The following OSBPL10 variants were observed in gnomAD, a reference collection of about 807,000 sequenced individuals.
The protein encoded by OSBPL10 is oxysterol binding protein like 10, also known as oxysterol-binding protein-related protein 10.
A neutral mutation model predicts 81.7 loss-of-function variants in OSBPL10; 49 were observed. That is an observed-to-expected ratio of 0.60 (90% CI 0.48 to 0.76). The LOEUF is 0.76. Among genes scored for constraint, OSBPL10 ranks in the 30% least tolerant of loss-of-function variants. The pLI is 0.00. For missense variants in OSBPL10, 923 were observed against 987.8 expected, an observed-to-expected ratio of 0.93 and a Z score of 0.88; for synonymous variants, 419 against 383.6, an observed-to-expected ratio of 1.09 and a Z score of -1.08.
intron 3 of OSBPL10, among the ~76,000 whole-genome samples, chr3:31,876,205 CA>C (rs1701464588): frequency 6.6e-6 from 1 of 152,146 alleles, no homozygotes; most frequent in Admixed American, 6.5e-5. Flanking sequence ...AGTGTCTTTC[CA>C]GATTCGGTTC....
intron 7 of OSBPL10, among the ~76,000 whole-genome samples, chr3:31,691,236 T>C (rs1023156320): frequency 3.9e-5 from 6 of 152,200 alleles, no homozygotes; most frequent in Non-Finnish European, 8.8e-5. Context: ...ACATTTAAAG[T>C]TGCATCAATC....
At chr3:31,930,499 A>T (rs1697209912) in intron 1 of OSBPL10, among the ~76,000 whole-genome samples, 1 of 152,198 alleles carries the variant, frequency 6.6e-6, no homozygotes, top group Non-Finnish European at 1.5e-5. Flanking sequence ...CATGCGAGAA[A>T]GTATGTATGT....
At chr3:31,707,122 G>C (rs1696096235) in intron 6 of OSBPL10, 1 of 152,154 alleles carries the variant, frequency 6.6e-6, no homozygotes, top group African/African-American at 2.4e-5. Flanking sequence ...GGTTAGATTT[G>C]AGATATCATG....
chr3:31,742,416 G>T (rs1025330434), intron 5 of OSBPL10, among the ~76,000 whole-genome samples: 12 of 147,762 alleles, frequency 8.1e-5, no homozygotes, highest in African/African-American at 2.5e-4. Flanking sequence ...GTTATTGCAA[G>T]GATGAGTTAA....
intron 4 of OSBPL10, chr3:31,797,803 T>C (rs766020504): frequency 2.2e-6 from 1 of 456,572 alleles, no homozygotes; most frequent in Non-Finnish European, 4.4e-6. Flanking sequence ...TGACTCTCTG[T>C]GTGACCTCAC....
intron 1 of OSBPL10, among the ~76,000 whole-genome samples, chr3:32,067,020 A>C (rs1699785949): frequency 6.6e-6 from 1 of 152,206 alleles, no homozygotes; most frequent in Non-Finnish European, 1.5e-5. Context: ...CTTATAAAGA[A>C]AGTAACTTGA....
intron 6 of OSBPL10, among the ~76,000 whole-genome samples, chr3:31,728,123 C>T (rs1696866543): frequency 6.6e-6 from 1 of 152,126 alleles, no homozygotes; most frequent in Admixed American, 6.5e-5. Flanking sequence ...TAACCAAAGT[C>T]CATTTAGCTA....
intron 2 of OSBPL10, among the ~76,000 whole-genome samples, chr3:31,999,400 G>C (rs1296340479): frequency 8.5e-6 from 1 of 117,856 alleles, no homozygotes; most frequent in Non-Finnish European, 1.6e-5. Flanking sequence ...TCACTCTGTT[G>C]CCCAGGCTGG....
intron 3 of OSBPL10, among the ~76,000 whole-genome samples, chr3:31,875,186 G>A (rs1035217598): frequency 7.3e-5 from 11 of 149,872 alleles, no homozygotes; most frequent in Non-Finnish European, 1.2e-4. Context: ...CACATACCAA[G>A]ATATACTAAA....
rs1297356822 is a variant in OSBPL10, at chr3:31,720,244, A to G, written c.1095+13013T>C. ...TATGCTGTTTTACAATAATTTTAAA[A>G]ACCCTCCTCCTACTACTGCCAAAGC... is the stretch of plus-strand genomic sequence containing the variant. On this transcript the variant is annotated intron_variant, in intron 6 of 11. Transcript: ENST00000396556. 2.6e-5 allele frequency among the ~76,000 whole-genome samples: 4 copies of G among 152,206 alleles called. No homozygotes were observed. In the East Asian group the frequency reaches 7.7e-4, roughly 29 times the overall value.
At chr3:31,802,664 C>CA (rs1699414943) in intron 4 of OSBPL10, among the ~76,000 whole-genome samples, 1 of 152,044 alleles carries the variant, frequency 6.6e-6, no homozygotes, top group African/African-American at 2.4e-5. Flanking sequence ...GGCCTGCCTC[C>CA]AGCTCTTAGT....
At chr3:31,848,779 C>T (rs1164076526) in intron 3 of OSBPL10, among the ~76,000 whole-genome samples, 2 of 152,180 alleles carry the variant, frequency 1.3e-5, no homozygotes, top group Non-Finnish European at 2.9e-5. Context: ...TTGTCTGATA[C>T]ATTAAAATGA....
chr3:32,053,071 A>C (rs1008479851), intron 1 of OSBPL10, among the ~76,000 whole-genome samples: 3 of 152,206 alleles, frequency 2.0e-5, no homozygotes, highest in African/African-American at 7.2e-5. Context: ...TGCTGGAAAG[A>C]GTCAGACCTT....
At chr3:31,896,632 C>T (rs938835660) in intron 1 of OSBPL10, among the ~76,000 whole-genome samples, 8 of 152,204 alleles carry the variant, frequency 5.3e-5, no homozygotes, top group African/African-American at 1.9e-4. Context: ...GGAGGCTCCT[C>T]TAGCTGGGCC....
chr3:32,057,544 T>G (rs1489578272), intron 1 of OSBPL10, among the ~76,000 whole-genome samples: 1 of 152,146 alleles, frequency 6.6e-6, no homozygotes, highest in South Asian at 2.1e-4. Context: ...GCAAGGCACC[T>G]TCTTAACAGG....
At chr3:31,741,019 G>A (rs1478634375) in intron 5 of OSBPL10, among the ~76,000 whole-genome samples, 2 of 152,122 alleles carry the variant, frequency 1.3e-5, no homozygotes, top group African/African-American at 4.8e-5. Context: ...AGGTTTGACT[G>A]TGGAATTGTC....
At chr3:32,022,159 G>A (rs889223646) in intron 2 of OSBPL10, among the ~76,000 whole-genome samples, 1 of 152,124 alleles carries the variant, frequency 6.6e-6, no homozygotes, top group Non-Finnish European at 1.5e-5. Flanking sequence ...TTTTTCTGAA[G>A]TGTTGCATAT....
intron 1 of OSBPL10, among the ~76,000 whole-genome samples, chr3:31,930,743 G>A (rs183279933): frequency 5.4e-4 from 82 of 152,152 alleles, no homozygotes; most frequent in African/African-American, 1.6e-3. Context: ...GGCTGGGTGC[G>A]GTGGCTCACA....
chr3:31,664,054 G>A (rs781382845), intron 11 of OSBPL10, 25 bp downstream of exon 11: 2 of 1,614,062 alleles, frequency 1.2e-6, no homozygotes, highest in South Asian at 1.1e-5. Context: ...CTGGGCAAGG[G>A]ACCAATGACA....
Sources: gnomAD v4.1 joint callset for allele counts (sites outside exome capture counted in the v4.1 genomes callset) on GRCh38, gnomAD v4.1.1 for gene constraint, MANE v1.5 for transcripts, NCBI Gene and HGNC (gene_info 2026-07-23, HGNC 2026-07-21) for gene names.